The following DAPK1 variants were observed in gnomAD, a reference collection of about 807,000 sequenced individuals.
The protein encoded by DAPK1 is death associated protein kinase 1.
In DAPK1, 56 loss-of-function variants were observed where a neutral mutation model predicts 144.9. The observed-to-expected ratio is 0.39, with a 90% CI of 0.31 to 0.48. The LOEUF is 0.48. DAPK1 is among the 20% of genes least tolerant of loss of function. The pLI, the probability that DAPK1 is intolerant of heterozygous loss-of-function variation, is 0.95. For synonymous variants in DAPK1, 690 were observed against 749.0 expected, an observed-to-expected ratio of 0.92 and a Z score of 1.29; for missense variants, 1,454 against 1,875.4, an observed-to-expected ratio of 0.78 and a Z score of 4.15.
At chr9:87,705,121 A>C (rs1169214290) in intron 25 of DAPK1, among the ~76,000 whole-genome samples, 1 of 151,980 alleles carries the variant, frequency 6.6e-6, no homozygotes, top group Non-Finnish European at 1.5e-5. Flanking sequence ...TAATGGTATA[A>C]TAATAGAATG....
chr9:87,653,363 C>T (rs533662045), intron 17 of DAPK1, among the ~76,000 whole-genome samples: 1 of 152,350 alleles, frequency 6.6e-6, no homozygotes, highest in Admixed American at 6.5e-5. Context: ...CTTATATGGA[C>T]ATGTACTTTT....
intron 2 of DAPK1, among the ~76,000 whole-genome samples, chr9:87,585,896 C>T (rs887429164): frequency 4.6e-5 from 7 of 152,286 alleles, no homozygotes; most frequent in African/African-American, 1.7e-4. Context: ...TTATTGACTA[C>T]ATGCTTAAAT....
rs142032793 is a variant in DAPK1, at chr9:87,595,913, C to T, written c.63-9041C>T. 2.3e-3 allele frequency among the ~76,000 whole-genome samples: 347 copies of T among 152,226 alleles called. 1 individual carries two copies. Among genetic ancestry groups the T allele is most frequent in the African/African-American group, 7.7e-3 (319 of 41,544 alleles). On this transcript the variant is annotated intron_variant, in intron 2 of 25. Transcript: ENST00000408954. ...CTCTACAAATCACAGCCCATTTAAC[C>T]GAGCCCTTGTATTAGTTTAAAATAG...
At chr9:87,535,297 G>C (rs1377245408) in intron 2 of DAPK1, among the ~76,000 whole-genome samples, 1 of 151,918 alleles carries the variant, frequency 6.6e-6, no homozygotes, top group East Asian at 1.9e-4. Flanking sequence ...CAGAAAATCA[G>C]CACAGAGATG....
chr9:87,697,661 C>T (rs1587852819), intron 22 of DAPK1, among the ~76,000 whole-genome samples: 1 of 152,102 alleles, frequency 6.6e-6, no homozygotes, highest in South Asian at 2.1e-4. Context: ...CACTAAGAAA[C>T]AAAGAAAGAG....
At chr9:87,657,255 T>C (rs7027142) in intron 17 of DAPK1, among the ~76,000 whole-genome samples, 34,962 of 152,086 alleles carry the variant, frequency 0.23, 4,841 homozygotes, top group African/African-American at 0.39. Flanking sequence ...AAAACTAATA[T>C]TTTCTTTTCC....
intron 20 of DAPK1, among the ~76,000 whole-genome samples, chr9:87,684,002 C>T (rs936517502): frequency 6.6e-6 from 1 of 152,192 alleles, no homozygotes; most frequent in African/African-American, 2.4e-5. Context: ...AGGCATAGCT[C>T]GGCAGCTGGA....
At chr9:87,541,318 C>T (rs2026743) in intron 2 of DAPK1, among the ~76,000 whole-genome samples, 4,884 of 152,164 alleles carry the variant, frequency 0.032, 98 homozygotes, top group Non-Finnish European at 0.046. Flanking sequence ...GAGGCCAAGG[C>T]GGGCAGATCC....
At chr9:87,536,032 C>G (rs574606329) in intron 2 of DAPK1, among the ~76,000 whole-genome samples, 2 of 152,336 alleles carry the variant, frequency 1.3e-5, no homozygotes, top group African/African-American at 4.8e-5. Context: ...CCAGCCTCTT[C>G]CGCCTCCCAA....
chr9:87,569,433 C>T (rs1236130727), intron 2 of DAPK1, among the ~76,000 whole-genome samples: 2 of 152,192 alleles, frequency 1.3e-5, no homozygotes. Flanking sequence ...TGTGCTTCAT[C>T]GCAGGTGCCC....
intron 2 of DAPK1, among the ~76,000 whole-genome samples, chr9:87,532,554 G>T (rs1038784679): frequency 1.3e-5 from 2 of 152,126 alleles, no homozygotes; most frequent in East Asian, 3.9e-4. Context: ...AATCTAAAAT[G>T]TATTCATTTC....
intron 2 of DAPK1, among the ~76,000 whole-genome samples, chr9:87,571,498 AACACACACACACACACAC>A (rs768913480): frequency 2.2e-5 from 1 of 46,490 alleles, no homozygotes; most frequent in African/African-American, 9.6e-5. Flanking sequence ...CACACACCCC[AACACACACACACACACAC>A]ACACACACAC....
rs1303401100 is a variant in DAPK1, at chr9:87,544,686, C to T, written c.62+45547C>T. Among the ~76,000 whole-genome samples, 8 of 151,988 alleles carry T rather than the reference C, an allele frequency of 5.3e-5. No homozygotes were observed. In the East Asian group the frequency reaches 5.8e-4, roughly 11 times the overall value. On this transcript the variant is annotated intron_variant, in intron 2 of 25. Transcript: ENST00000408954. ...GGGTGGTCCCTACAGTCCTTTTTCT[C>T]GGGCTCTTACTGGTGAGATGGATTA...
At chr9:87,581,531 ACAGCCTGTGGTTTTGGAGGCTTTG>A (rs1827753915) in intron 2 of DAPK1, among the ~76,000 whole-genome samples, 1 of 152,226 alleles carries the variant, frequency 6.6e-6, no homozygotes, top group Non-Finnish European at 1.5e-5. Flanking sequence ...ATATGGCTCC[ACAGCCTGTGGTTTTGGAGGCTTTG>A]CAGCCCATTT....
At chr9:87,640,504 GCCTGTGTCTGTTCCAT>G in intron 8 of DAPK1, 54 bp downstream of exon 8, 1 of 1,580,576 alleles carries the variant, frequency 6.3e-7, no homozygotes, top group Non-Finnish European at 8.6e-7. Context: ...CCAGCCCAGA[GCCTGTGTCTGTTCCAT>G]GCACAGGGCC....
At chr9:87,630,436 G>A (rs552127570) in intron 3 of DAPK1, among the ~76,000 whole-genome samples, 13 of 152,200 alleles carry the variant, frequency 8.5e-5, no homozygotes, top group African/African-American at 3.1e-4. Context: ...CCTCCTCCAG[G>A]CAGTGACTCA....
intron 18 of DAPK1, among the ~76,000 whole-genome samples, chr9:87,663,414 G>A (rs1226010652): frequency 2.0e-5 from 3 of 152,050 alleles, no homozygotes; most frequent in Middle Eastern, 3.4e-3. Flanking sequence ...TGTTGCCTCC[G>A]CTCCCGCCCA....
chr9:87,547,208 A>G (rs904589755), intron 2 of DAPK1, among the ~76,000 whole-genome samples: 1 of 152,210 alleles, frequency 6.6e-6, no homozygotes, highest in African/African-American at 2.4e-5. Context: ...AGTAGTAATA[A>G]TAATAATTTG....
At chr9:87,593,484 T>C (rs559865904) in intron 2 of DAPK1, among the ~76,000 whole-genome samples, 29 of 152,230 alleles carry the variant, frequency 1.9e-4, no homozygotes, top group Non-Finnish European at 3.8e-4. Context: ...GCAGGGTGAA[T>C]ATTGGAGGAG....
Sources: allele counts gnomAD v4.1 joint callset (sites outside exome capture counted in the v4.1 genomes callset), GRCh38; gene constraint gnomAD v4.1.1; transcripts MANE v1.5; gene names NCBI Gene and HGNC (gene_info 2026-07-23, HGNC 2026-07-21).